Variants in NRP2 observed in about 807,000 individuals in gnomAD.
NRP2 encodes neuropilin 2, also known as neuropilin-2.
NRP2 carries 52 observed loss-of-function variants against 110.4 expected under a neutral mutation model. The observed-to-expected ratio is 0.47, with a 90% confidence interval of 0.38 to 0.59. NRP2 has a LOEUF of 0.59. Among genes scored for constraint, NRP2 ranks in the 20% least tolerant of loss-of-function variants. The pLI is 0.00. For missense variants in NRP2, 1,049 were observed against 1,203.0 expected, an observed-to-expected ratio of 0.87 and a Z score of 1.89; for synonymous variants, 508 against 468.9, an observed-to-expected ratio of 1.08 and a Z score of -1.08.
chr2:205,692,432 C>G (rs1191516294), intron 1 of NRP2, among the ~76,000 whole-genome samples: 2 of 152,190 alleles, frequency 1.3e-5, no homozygotes, highest in Non-Finnish European at 2.9e-5. Flanking sequence ...TAAAACGCAG[C>G]TTATCCCGGG....
chr2:205,682,945 T>A lies in NRP2; in HGVS notation c.-346T>A, dbSNP rs895261396. The A allele has an allele frequency of 1.1e-5, 3 of 272,878 alleles. No homozygotes were observed. Among genetic ancestry groups the A allele is most frequent in the Non-Finnish European group, 2.1e-5 (3 of 141,844 alleles). The allele number at this position is 272,878 out of a possible 1,614,324, so 16.9% of individuals were successfully genotyped here. On this transcript the variant is annotated 5_prime_UTR_variant, in exon 1 of 17. Coordinates refer to ENST00000357785, the MANE Select transcript of NRP2 (RefSeq NM_003872.3). This position sits in a 1 kb window ranked among gnomAD's most constrained non-coding sequence, Gnocchi z 4.3. ...TAATTATTATTATTATCATTATTGT[T>A]ACGCTTGGCTTTCGGGAAATACTCG...
intron 1 of NRP2, among the ~76,000 whole-genome samples, chr2:205,684,561 C>T (rs934979325): frequency 6.6e-6 from 1 of 152,150 alleles, no homozygotes; most frequent in African/African-American, 2.4e-5. Context: ...CTTCTCCTCA[C>T]GCCCCCCACC....
intron 15 of NRP2, among the ~76,000 whole-genome samples, chr2:205,772,260 G>A (rs1032328620): frequency 3.9e-5 from 6 of 152,242 alleles, no homozygotes; most frequent in Non-Finnish European, 7.3e-5. Flanking sequence ...CAGGGTGGCC[G>A]TTGTTACAGA....
At chr2:205,744,085 T>C (rs2105876153) in intron 9 of NRP2, among the ~76,000 whole-genome samples, 1 of 152,250 alleles carries the variant, frequency 6.6e-6, no homozygotes, top group African/African-American at 2.4e-5. Context: ...GCAAAGTAGA[T>C]CTTTTTGTCA....
chr2:205,741,360 C>T (rs1266837892), intron 8 of NRP2, among the ~76,000 whole-genome samples: 1 of 152,192 alleles, frequency 6.6e-6, no homozygotes, highest in Non-Finnish European at 1.5e-5. Context: ...AAATAACAGA[C>T]ATTACCTGGT....
intron 2 of NRP2, among the ~76,000 whole-genome samples, chr2:205,713,609 T>G (rs957790373): frequency 2.0e-5 from 3 of 152,254 alleles, no homozygotes; most frequent in Non-Finnish European, 4.4e-5. Flanking sequence ...AAAACATACT[T>G]TTAAAAAATC....
rs768347798 is a variant in NRP2, at chr2:205,725,955, T to C, written c.863T>C (p.Ile288Thr). ...CCTCTGGGCATGGAGTCTGGCCGGA[T>C]TGCTAATGAACAGATCAGTGCCTCA... ...NVPLGMESGR[I>T]ANEQISASST... Residue 288 changes from isoleucine (I) to threonine (T), a missense_variant, in exon 6 of 17, where the codon ATT (isoleucine) becomes ACT (threonine). By Grantham distance (89) the Ile-to-Thr change is moderately conservative. Transcript: ENST00000357785. This position sits in a 1 kb window ranked among gnomAD's most constrained non-coding sequence, Gnocchi z 4.1. 6.2e-7 allele frequency: 1 copy of C among 1,614,142 alleles called. No homozygotes were observed. The highest frequency in any genetic ancestry group is 8.5e-7 in the Non-Finnish European group (1 of 1,180,012).
At chr2:205,720,697 C>T (rs759154081) in intron 3 of NRP2, among the ~76,000 whole-genome samples, 1 of 152,232 alleles carries the variant, frequency 6.6e-6, no homozygotes, top group Non-Finnish European at 1.5e-5. Context: ...CCCCTGAAGA[C>T]CCGCCAGCTG....
chr2:205,716,278 A>T lies in NRP2; in HGVS notation c.337A>T (p.Ile113Phe). ...KHCGNIAPPT[I>F]ISSGSMLYIK... Reference sequence around the variant, plus strand: ...CTGTGGGAACATCGCCCCGCCCACCATCATCTCCTCGGGCTCCATGCTCTA... The same window carrying T: ...CTGTGGGAACATCGCCCCGCCCACCTTCATCTCCTCGGGCTCCATGCTCTA... Residue 113 changes from isoleucine (I) to phenylalanine (F), a missense_variant, in exon 3 of 17, where the codon ATC becomes TTC. Ile to Phe is a conservative substitution (Grantham distance 21, BLOSUM62 0). Coordinates refer to ENST00000357785, the MANE Select transcript of NRP2 (RefSeq NM_003872.3). 6.2e-7 allele frequency: 1 copy of T among 1,614,178 alleles called. No individual in the cohort carries two copies. The highest frequency in any genetic ancestry group is 8.5e-7 in the Non-Finnish European group (1 of 1,180,012).
intron 7 of NRP2, among the ~76,000 whole-genome samples, chr2:205,734,400 C>CG (rs1477089319): frequency 1.2e-5 from 1 of 86,158 alleles, no homozygotes; most frequent in Non-Finnish European, 2.6e-5. Context: ...TTTCCCACCG[C>CG]CCCCCCCCAC....
chr2:205,726,286 C>T (rs1175379638), intron 6 of NRP2, among the ~76,000 whole-genome samples: 1 of 152,232 alleles, frequency 6.6e-6, no homozygotes, highest in African/African-American at 2.4e-5. Flanking sequence ...GAGCCTGCCC[C>T]TGCCCTTGTG....
Position 205,743,355 on chromosome 2 carries a change from C to G in NRP2, c.1444C>G (p.Gln482Glu). Reference sequence around the variant, plus strand: ...CTGGTTCCCTCGAATCCCTCAGGCCCAGCCCGGTGAGGAGTGGCTTCAGGT... The same window carrying G: ...CTGGTTCCCTCGAATCCCTCAGGCCGAGCCCGGTGAGGAGTGGCTTCAGGT... ...SGWFPRIPQA[Q>E]PGEEWLQVDL... Residue 482 changes from glutamine to glutamate, a missense_variant, in exon 9 of 17, where the codon CAG becomes GAG. Gln to Glu is a conservative substitution (Grantham distance 29, BLOSUM62 2). Coordinates refer to ENST00000357785, the MANE Select transcript of NRP2 (RefSeq NM_003872.3). The G allele has an allele frequency of 6.2e-7, 1 of 1,614,232 alleles. No homozygotes were observed. The highest frequency in any genetic ancestry group is 8.5e-7 in the Non-Finnish European group (1 of 1,180,036).
chr2:205,700,795 C>T (rs2056537686), intron 2 of NRP2: 1 of 516,438 alleles, frequency 1.9e-6, no homozygotes, highest in African/African-American at 1.9e-5. Flanking sequence ...GTGAACTTCC[C>T]TTGACTCCTC....
chr2:205,731,626 C>T (rs560537066), intron 7 of NRP2, among the ~76,000 whole-genome samples: 10 of 152,218 alleles, frequency 6.6e-5, no homozygotes, highest in African/African-American at 2.4e-4. Flanking sequence ...ACGTGGGGAT[C>T]TCCCTTGTTG....
rs2057422905 is a variant in NRP2 at position 205,740,620 on chromosome 2, A to G, written c.1248A>G (p.Ser416=). 5 of 1,614,090 alleles carry G rather than the reference A, an allele frequency of 3.1e-6. No individual in the cohort carries two copies. The highest frequency in any genetic ancestry group is 1.3e-5 in the African/African-American group (1 of 74,926). The stretch of plus-strand genomic sequence containing the variant: ...GAATCCGCCCTCAGACCTGGCACTC[A>G]GGTATCGCCCTCCGGCTGGAGCTCT... ...FVRIRPQTWH[S]GIALRLELFG... is the part of the protein sequence containing the mutation. Residue 416 remains serine (S), a synonymous_variant, in exon 8 of 17, where the codon TCA becomes TCG. Transcript: ENST00000357785.
intron 7 of NRP2, among the ~76,000 whole-genome samples, chr2:205,734,383 C>T (rs549253358): frequency 2.0e-5 from 3 of 150,068 alleles, no homozygotes; most frequent in African/African-American, 7.4e-5. Context: ...CCATTGCCTT[C>T]ATATCATTTC....
At chr2:205,785,564 T>TG (rs2058227144) in intron 15 of NRP2, among the ~76,000 whole-genome samples, 1 of 152,182 alleles carries the variant, frequency 6.6e-6, no homozygotes, top group Non-Finnish European at 1.5e-5. Context: ...TTCAAAGACT[T>TG]GGGGTAAAAA....
Position 205,763,491 on chromosome 2 carries a change from G to A in NRP2, c.2045-183G>A, listed in dbSNP as rs1188917354. Among the ~76,000 whole-genome samples, 2 of 152,088 alleles carry A rather than the reference G, an allele frequency of 1.3e-5. No individual in the cohort carries two copies. The highest frequency in any genetic ancestry group is 6.6e-5 in the Admixed American group (1 of 15,266). ...ACTTAGAGACTCTTAAGAAAACACA[G>A]CATTTGAATCAAGGCTCTGAAGGAG... On this transcript the variant is annotated intron_variant, in intron 12 of 16. Transcript: ENST00000357785. This position sits in a 1 kb window ranked among gnomAD's most constrained non-coding sequence, Gnocchi z 4.0.
At chr2:205,744,415 T>C (rs1409332733) in intron 9 of NRP2, among the ~76,000 whole-genome samples, 1 of 152,178 alleles carries the variant, frequency 6.6e-6, no homozygotes, top group African/African-American at 2.4e-5. Context: ...TTTGACTGCT[T>C]AGATCTTTCC....
Sources: gnomAD v4.1 joint callset for allele counts (sites outside exome capture counted in the v4.1 genomes callset) on GRCh38, gnomAD v4.1.1 for gene constraint, Gnocchi (gnomAD v3.1) non-coding constraint, MANE v1.5 for transcripts, NCBI Gene and HGNC (gene_info 2026-07-23, HGNC 2026-07-21) for gene names.